Variants in SLC23A2 observed in about 807,000 individuals in gnomAD.
SLC23A2 encodes solute carrier family 23 member 2.
In SLC23A2, 36 loss-of-function variants were observed where a neutral mutation model predicts 73.3. That is an observed-to-expected ratio of 0.49 (90% CI 0.38 to 0.65). SLC23A2 has a LOEUF of 0.65. Among genes scored for constraint, SLC23A2 ranks in the 30% least tolerant of loss-of-function variants. The pLI, the probability that SLC23A2 is intolerant of heterozygous loss-of-function variation, is 0.00. For synonymous variants in SLC23A2, 343 were observed against 327.3 expected (o/e 1.05, Z -0.52); for missense variants, 507 against 841.6 (o/e 0.60, Z 4.92).
At chr20:4,937,960 TC>T (rs776127545) in intron 2 of SLC23A2, among the ~76,000 whole-genome samples, 6 of 151,568 alleles carry the variant, frequency 4.0e-5, no homozygotes, top group Non-Finnish European at 8.8e-5. Context: ...GCATGGCTGC[TC>T]CCTAGCACAC....
chr20:4,974,474 T>TA (rs966606042), intron 1 of SLC23A2, among the ~76,000 whole-genome samples: 7 of 149,644 alleles, frequency 4.7e-5, no homozygotes, highest in South Asian at 2.2e-4. Context: ...TCTCAAAAAA[T>TA]AAAAAAAATA....
At chr20:4,972,813 G>A (rs1188014049) in intron 1 of SLC23A2, among the ~76,000 whole-genome samples, 1 of 148,410 alleles carries the variant, frequency 6.7e-6, no homozygotes, top group Non-Finnish European at 1.5e-5. Flanking sequence ...TCTTGAACTC[G>A]ACCTTAGGTG....
Position 4,932,725 on chromosome 20 carries a change from G to A in SLC23A2, c.-154-9C>T, listed in dbSNP as rs1600146180. On this transcript the variant is annotated splice_polypyrimidine_tract_variant and intron_variant, in intron 2 of 16. Transcript: ENST00000338244. ...ACGGCATCTCTTAGCACCTAGAAAA[G>A]AAGAGCACAGCCAAATCACCCCAAA... 1 of 589,148 alleles carries A rather than the reference G, an allele frequency of 1.7e-6. No homozygotes were observed. Among genetic ancestry groups the A allele is most frequent in the East Asian group, 2.8e-5 (1 of 35,436 alleles). 36.5% of individuals were successfully genotyped at this position (589,148 alleles called of 1,614,324 possible).
chr20:4,929,199 G>A (rs1008968102), intron 3 of SLC23A2, among the ~76,000 whole-genome samples: 2 of 151,798 alleles, frequency 1.3e-5, no homozygotes, highest in Non-Finnish European at 2.9e-5. Flanking sequence ...CAAGGAGGTC[G>A]AGACTGCAGT....
intron 3 of SLC23A2, among the ~76,000 whole-genome samples, chr20:4,922,977 A>G (rs564048597): frequency 6.6e-6 from 1 of 152,328 alleles, no homozygotes; most frequent in East Asian, 1.9e-4. Flanking sequence ...CCCAACTATT[A>G]GATGTGTACT....
intron 6 of SLC23A2, among the ~76,000 whole-genome samples, chr20:4,889,396 G>A (rs1368836640): frequency 3.3e-5 from 5 of 151,936 alleles, no homozygotes; most frequent in South Asian, 2.1e-4. Context: ...CAAATGCCCC[G>A]CATTCTTCCT....
intron 1 of SLC23A2, among the ~76,000 whole-genome samples, chr20:4,991,408 C>G (rs1175534169): frequency 1.3e-4 from 20 of 152,248 alleles, no homozygotes. Flanking sequence ...CATGTCCAGT[C>G]CAGCAAATAC....
intron 2 of SLC23A2, among the ~76,000 whole-genome samples, chr20:4,959,247 T>A (rs1163849247): frequency 6.6e-6 from 1 of 151,074 alleles, no homozygotes; most frequent in East Asian, 1.9e-4. Flanking sequence ...GTGTATGACA[T>A]ACCTATTAAA....
At chr20:4,944,753 A>G (rs937680384) in intron 2 of SLC23A2, among the ~76,000 whole-genome samples, 3 of 152,180 alleles carry the variant, frequency 2.0e-5, no homozygotes, top group Non-Finnish European at 4.4e-5. Context: ...GGTTCTCACT[A>G]AGACACAAGA....
chr20:4,881,038 G>A (rs989810870), intron 9 of SLC23A2, among the ~76,000 whole-genome samples: 2 of 152,244 alleles, frequency 1.3e-5, no homozygotes, highest in Admixed American at 1.3e-4. Context: ...TTCCGGAGGA[G>A]GAAGGGCAGG....
At chr20:4,987,799 T>G (rs911965160) in intron 1 of SLC23A2, among the ~76,000 whole-genome samples, 1 of 149,922 alleles carries the variant, frequency 6.7e-6, no homozygotes, top group Non-Finnish European at 1.5e-5. Flanking sequence ...AGTGAGCCGA[T>G]CACGCCACTG....
chr20:4,892,496 A>G (rs1303002123), intron 6 of SLC23A2, among the ~76,000 whole-genome samples: 2 of 152,168 alleles, frequency 1.3e-5, no homozygotes, highest in African/African-American at 4.8e-5. Flanking sequence ...CTGGTCTCCC[A>G]TATTAATGTA....
intron 3 of SLC23A2, among the ~76,000 whole-genome samples, chr20:4,923,793 T>G (rs910271166): frequency 6.6e-5 from 10 of 152,232 alleles, no homozygotes; most frequent in African/African-American, 2.4e-4. Flanking sequence ...GCTTCTTTGC[T>G]TGGTTTTTAG....
chr20:4,861,011 C>T (rs746092988), intron 15 of SLC23A2, among the ~76,000 whole-genome samples: 3 of 152,186 alleles, frequency 2.0e-5, no homozygotes, highest in Non-Finnish European at 4.4e-5. Context: ...CAGGCCTGCA[C>T]TCCAGCCTGA....
intron 1 of SLC23A2, among the ~76,000 whole-genome samples, chr20:4,997,538 AC>A (rs149797727): frequency 6.6e-6 from 1 of 152,114 alleles, no homozygotes; most frequent in East Asian, 1.9e-4. Flanking sequence ...TTGAAGCCCT[AC>A]CCCCACAATG....
chr20:4,935,510 C>A (rs1370001460), intron 2 of SLC23A2, among the ~76,000 whole-genome samples: 1 of 152,016 alleles, frequency 6.6e-6, no homozygotes, highest in Non-Finnish European at 1.5e-5. Flanking sequence ...TATATAAAAT[C>A]TGTGCAGGCC....
At chr20:4,992,477 C>T (rs1209080859) in intron 1 of SLC23A2, among the ~76,000 whole-genome samples, 3 of 147,142 alleles carry the variant, frequency 2.0e-5, no homozygotes, top group African/African-American at 7.5e-5. Context: ...GATAACAAAG[C>T]CATGGGAAAT....
chr20:4,938,973 GGCTCACATCTGTAATC>G (rs548187895), intron 2 of SLC23A2, among the ~76,000 whole-genome samples: 72 of 152,250 alleles, frequency 4.7e-4, no homozygotes, highest in Non-Finnish European at 8.8e-4. Flanking sequence ...TGAGTGTGAT[GGCTCACATCTGTAATC>G]CCAACACTTT....
Position 4,856,694 on chromosome 20 carries a change from C to G in SLC23A2, c.*278G>C. On this transcript the variant is annotated 3_prime_UTR_variant, in exon 17 of 17. Coordinates refer to ENST00000338244, the MANE Select transcript of SLC23A2 (RefSeq NM_005116.6). The surrounding 1 kb of genome is among the most constrained non-coding windows in gnomAD (Gnocchi z 4.6). ...AGGAATGGCTGCAGATTTTAAATGT[C>G]CACTCCAAAGGGAGGACTGGAACTT... 1 of 356,976 alleles carries G rather than the reference C, an allele frequency of 2.8e-6. No individual in the cohort carries two copies. The allele number at this position is 356,976 out of a possible 1,614,324, so 22.1% of individuals were successfully genotyped here.
Sources: gnomAD v4.1 joint callset for allele counts (sites outside exome capture counted in the v4.1 genomes callset) on GRCh38, gnomAD v4.1.1 for gene constraint, Gnocchi (gnomAD v3.1) non-coding constraint, MANE v1.5 for transcripts, NCBI Gene and HGNC (gene_info 2026-07-23, HGNC 2026-07-21) for gene names.